ENAH: variants seen among roughly 807,000 people sequenced by gnomAD.
ENAH encodes protein enabled homolog.
Under a neutral mutation model 78.7 loss-of-function variants are expected in ENAH, and 23 were observed. That is an observed-to-expected ratio of 0.29 (90% confidence interval 0.21 to 0.41). ENAH has a LOEUF of 0.41. ENAH is among the 10% of genes least tolerant of loss of function. The pLI is 1.00. For synonymous variants in ENAH, 226 were observed against 241.0 expected (o/e 0.94, Z 0.58); for missense variants, 544 against 691.0 (o/e 0.79, Z 2.39).
intron 1 of ENAH, among the ~76,000 whole-genome samples, chr1:225,601,026 A>G (rs2096927859): frequency 6.6e-6 from 1 of 152,214 alleles, no homozygotes; most frequent in South Asian, 2.1e-4. Context: ...AAAATACATG[A>G]AGAAGAGGCT....
chr1:225,521,483 T>C (rs1575393489), intron 4 of ENAH, among the ~76,000 whole-genome samples: 2 of 151,254 alleles, frequency 1.3e-5, no homozygotes, highest in Non-Finnish European at 3.0e-5. Context: ...TCTACTAAAA[T>C]TACAAAAATT....
intron 1 of ENAH, among the ~76,000 whole-genome samples, chr1:225,640,067 A>C (rs1660757447): frequency 6.6e-6 from 1 of 152,222 alleles, no homozygotes; most frequent in Non-Finnish European, 1.5e-5. Flanking sequence ...AGGAGGTCAA[A>C]AGAAAATCTG....
chr1:225,564,583 C>T (rs1480304073), intron 2 of ENAH, among the ~76,000 whole-genome samples: 1 of 151,810 alleles, frequency 6.6e-6, no homozygotes, highest in Non-Finnish European at 1.5e-5. Flanking sequence ...ACAAGCACCA[C>T]CACGCCTGGC....
At chr1:225,507,905 T>A in intron 11 of ENAH, 46 bp downstream of exon 11, 1 of 1,369,566 alleles carries the variant, frequency 7.3e-7, no homozygotes, top group Non-Finnish European at 9.8e-7. Context: ...GCATTAATTT[T>A]TTTTTATACA....
Position 225,491,709 on chromosome 1 carries a change from T to G in ENAH, c.*6066A>C, listed in dbSNP as rs2096223236. On this transcript the variant is annotated 3_prime_UTR_variant, in exon 14 of 14. Transcript: ENST00000366843. ...TTGATGGGAAAATTAACTCTCAATC[T>G]AAACACTAGCCAATGTAGACTTTTT... is the stretch of plus-strand genomic sequence containing the variant. 6.6e-6 allele frequency: 1 copy of G among 152,212 alleles called. No homozygotes were observed. Among genetic ancestry groups the G allele is most frequent in the African/African-American group, 2.4e-5 (1 of 41,450 alleles). The allele number at this position is 152,212 out of a possible 1,614,324, so 9.4% of individuals were successfully genotyped here.
At position 225,497,696 on chromosome 1, in the gene ENAH, G is replaced by A. The variant is rs779138652; in HGVS notation, c.*79C>T. ...CTTCTTACAGCTCATAAATGTAGGG[G>A]TTTGCTGTTGTGAACAGTTGTTGTT... On this transcript the variant is annotated 3_prime_UTR_variant, in exon 14 of 14. Coordinates refer to ENST00000366843, the MANE Select transcript of ENAH (RefSeq NM_018212.6). 19 of 1,421,350 alleles carry A rather than the reference G, an allele frequency of 1.3e-5. No homozygotes were observed. Among genetic ancestry groups the A allele is most frequent in the Non-Finnish European group, 1.8e-5 (18 of 1,020,748 alleles). 88.0% of individuals were successfully genotyped at this position (1,421,350 alleles called of 1,614,324 possible).
chr1:225,497,979 A>G (rs771318471), intron 13 of ENAH, among the ~76,000 whole-genome samples, 167 bp from the exon 14 acceptor site: 6 of 152,148 alleles, frequency 3.9e-5, no homozygotes, highest in Non-Finnish European at 5.9e-5. Context: ...AGATGATACT[A>G]ATTTCTATAT....
At position 225,517,310 on chromosome 1, in the gene ENAH, C is replaced by T; in HGVS notation, c.803-4G>A. On this transcript the variant is annotated splice_polypyrimidine_tract_variant and splice_region_variant and intron_variant, in intron 5 of 13. Coordinates refer to ENST00000366843, the MANE Select transcript of ENAH (RefSeq NM_018212.6). Reference sequence around the variant, plus strand: ...GTCTCAACAGAGGCAGGGGCAGCTGCAGAGGGAGAAGGGAGAACACTAGGC... The same window carrying T: ...GTCTCAACAGAGGCAGGGGCAGCTGTAGAGGGAGAAGGGAGAACACTAGGC... 6.4e-7 allele frequency: 1 copy of T among 1,551,684 alleles called. No homozygotes were observed. Among genetic ancestry groups the T allele is most frequent in the Non-Finnish European group, 8.7e-7 (1 of 1,147,018 alleles).
chr1:225,590,140 GT>G (rs1255074078), intron 1 of ENAH, among the ~76,000 whole-genome samples: 7 of 138,366 alleles, frequency 5.1e-5, no homozygotes, highest in African/African-American at 1.9e-4. Context: ...CAGCACCAAG[GT>G]TTAAACACAG....
intron 1 of ENAH, among the ~76,000 whole-genome samples, chr1:225,649,852 T>C (rs1375956177): frequency 1.3e-5 from 2 of 152,210 alleles, no homozygotes; most frequent in African/African-American, 2.4e-5. Context: ...ATATTCATCA[T>C]ATCCTCTGTT....
At chr1:225,597,792 T>C (rs770276753) in intron 1 of ENAH, among the ~76,000 whole-genome samples, 1 of 152,156 alleles carries the variant, frequency 6.6e-6, no homozygotes, top group African/African-American at 2.4e-5. Flanking sequence ...AACAAAATAT[T>C]AATAGATGAT....
chr1:225,490,028 CAAA>C lies in ENAH; in HGVS notation c.*7744_*7746del, dbSNP rs1181931765. 6.6e-6 allele frequency: 1 copy of C among 151,944 alleles called. No homozygotes were observed. Among genetic ancestry groups the C allele is most frequent in the Non-Finnish European group, 1.5e-5 (1 of 67,994 alleles). The allele number at this position is 151,944 out of a possible 1,614,324, so 9.4% of individuals were successfully genotyped here. ...TGGCAAGGAAAAAATAAAAACAAAA[CAAA>C]AAGAATTTAAAAAAAGAACTCAACT... is the stretch of plus-strand genomic sequence containing the variant. On this transcript the variant is annotated 3_prime_UTR_variant, in exon 14 of 14. Coordinates refer to ENST00000366843, the MANE Select transcript of ENAH (RefSeq NM_018212.6).
At chr1:225,571,300 G>A (rs967465018) in intron 1 of ENAH, among the ~76,000 whole-genome samples, 1 of 151,952 alleles carries the variant, frequency 6.6e-6, no homozygotes, top group African/African-American at 2.4e-5. Flanking sequence ...TTGAACCCAG[G>A]AGATGGAGGT....
At chr1:225,629,609 G>A (rs577374089) in intron 1 of ENAH, among the ~76,000 whole-genome samples, 3 of 151,528 alleles carry the variant, frequency 2.0e-5, no homozygotes, top group African/African-American at 7.2e-5. Context: ...AAAAGTAGAA[G>A]GTGGGGAAAA....
intron 12 of ENAH, 50 bp from the exon 13 acceptor site, chr1:225,498,454 A>G (rs2096262246): frequency 8.6e-7 from 1 of 1,156,168 alleles, no homozygotes; most frequent in African/African-American, 1.6e-5. Flanking sequence ...ATTACCACTA[A>G]AGAGATTCTT....
In ENAH at chr1:225,626,361, C is replaced by T. The variant is rs957242800; in HGVS notation, c.5+26325G>A. Reference sequence around the variant, plus strand: ...TGCTACAGTTTGAATGTATGTGTCTCTCCAAAATCCCTATGTTGAAACTAA... The same window carrying T: ...TGCTACAGTTTGAATGTATGTGTCTTTCCAAAATCCCTATGTTGAAACTAA... On this transcript the variant is annotated intron_variant, in intron 1 of 13. Transcript: ENST00000366843. Among the ~76,000 whole-genome samples the T allele has an allele frequency of 2.0e-5, 3 of 152,358 alleles. No homozygotes were observed. In the South Asian group the frequency reaches 6.2e-4, roughly 32 times the overall value.
chr1:225,506,552 T>C (rs1413980890), intron 11 of ENAH, among the ~76,000 whole-genome samples: 1 of 152,194 alleles, frequency 6.6e-6, no homozygotes, highest in East Asian at 1.9e-4. Context: ...AATCCGTAAC[T>C]AGTAGAGATG....
intron 4 of ENAH, among the ~76,000 whole-genome samples, chr1:225,521,050 ACG>A (rs763760412): frequency 6.6e-6 from 1 of 151,978 alleles, no homozygotes; most frequent in East Asian, 1.9e-4. Flanking sequence ...GGACACACGC[ACG>A]CGCGCGCACA....
At chr1:225,613,531 T>C (rs2097003970) in intron 1 of ENAH, among the ~76,000 whole-genome samples, 1 of 152,206 alleles carries the variant, frequency 6.6e-6, no homozygotes, top group African/African-American at 2.4e-5. Flanking sequence ...TAAGCACATA[T>C]TTTATTTTTA....
Sources: gnomAD v4.1 joint callset for allele counts (sites outside exome capture counted in the v4.1 genomes callset) on GRCh38, gnomAD v4.1.1 for gene constraint, MANE v1.5 for transcripts, NCBI Gene and HGNC (gene_info 2026-07-23, HGNC 2026-07-21) for gene names.